ANK3: variants seen among roughly 807,000 people sequenced by gnomAD.
ANK3 encodes the protein ankyrin 3.
In ANK3, 57 loss-of-function variants were observed where a neutral mutation model predicts 370.9. That is an observed-to-expected ratio of 0.15 (90% CI 0.12 to 0.19). The LOEUF (loss-of-function observed/expected upper bound fraction) is 0.19, where lower values mean the gene tolerates loss of function less well. Ranked by LOEUF, ANK3 falls within the 10% of genes least tolerant of loss-of-function variation. The probability of loss-of-function intolerance (pLI) is 1.00; values close to 1 mark genes in which losing one functional copy is unlikely to be tolerated. For synonymous variants in ANK3, 1,929 were observed against 1,946.3 expected (o/e 0.99, Z 0.23); for missense variants, 4,439 against 5,302.1 (o/e 0.84, Z 5.06).
intron 1 of ANK3, among the ~76,000 whole-genome samples, chr10:60,629,103 C>CA (rs201762231): frequency 1.0e-3 from 153 of 149,922 alleles, no homozygotes; most frequent in African/African-American, 3.1e-3. Flanking sequence ...ATTTCAAAGA[C>CA]AAAAAAAAAT....
chr10:60,111,817 G>T (rs1413325533), intron 26 of ANK3: 1 of 447,408 alleles, frequency 2.2e-6, no homozygotes, highest in Non-Finnish European at 4.5e-6. Context: ...AATATAATTA[G>T]AAGCAAGCAA....
At chr10:60,281,868 T>A (rs185665340) in intron 1 of ANK3, among the ~76,000 whole-genome samples, 4 of 152,134 alleles carry the variant, frequency 2.6e-5, no homozygotes, top group Non-Finnish European at 5.9e-5. Flanking sequence ...GAGATAAGCA[T>A]GAAAATCATT....
intron 1 of ANK3, among the ~76,000 whole-genome samples, chr10:60,358,118 ACAAACACAC>A (rs1566822753): frequency 0.016 from 1,222 of 76,910 alleles, 6 homozygotes; most frequent in South Asian, 0.026. Context: ...ACACACACAC[ACAAACACAC>A]ACACACACAC....
chr10:60,465,935 A>G (rs1463691047), intron 2 of ANK3, among the ~76,000 whole-genome samples: 2 of 151,982 alleles, frequency 1.3e-5, no homozygotes, highest in Non-Finnish European at 2.9e-5. Flanking sequence ...ACTACCCTAG[A>G]GATCATCTCA....
rs961657038 is a variant in ANK3, at chr10:60,064,305, G to C, written c.12320-17C>G. 22 of 1,553,716 alleles carry C rather than the reference G, an allele frequency of 1.4e-5. No homozygotes were observed. The highest frequency in any genetic ancestry group is 1.8e-5 in the Non-Finnish European group (21 of 1,162,290). The stretch of plus-strand genomic sequence containing the variant: ...TTGCCAGTTCTGTAGAAAAGAAAGA[G>C]AGTTACTAAGATTGCATATTCTACT... On this transcript the variant is annotated splice_polypyrimidine_tract_variant and intron_variant, in intron 38 of 43. Coordinates refer to ENST00000280772, the MANE Select transcript of ANK3 (RefSeq NM_020987.5).
chr10:60,166,859 G>A lies in ANK3; in HGVS notation c.2516C>T (p.Thr839Met), dbSNP rs202156367. The A allele has an allele frequency of 1.2e-5, 20 of 1,613,732 alleles. No individual in the cohort carries two copies. Among genetic ancestry groups the A allele is most frequent in the East Asian group, 4.5e-5 (2 of 44,854 alleles). ...AGACATATCAAGAACTTCATTCATC[G>A]TTTCTGGAACATTCATTTTGTGCTT... is the stretch of plus-strand genomic sequence containing the variant. Reference protein sequence around the residue: ...TEKHKMNVPETMNEVLDMSDD... With the variant: ...TEKHKMNVPEMMNEVLDMSDD... The change falls in exon 22 of 44, where the codon ACG becomes ATG. Residue 839 changes from threonine (T) to methionine (M), a missense_variant. Thr to Met is a moderately conservative substitution (Grantham distance 81). Coordinates refer to ENST00000280772, the MANE Select transcript of ANK3 (RefSeq NM_020987.5).
chr10:60,339,089 T>C lies in ANK3; in HGVS notation c.114+50336A>G, dbSNP rs186734801. On this transcript the variant is annotated intron_variant, in intron 1 of 43. Coordinates refer to ENST00000280772, the MANE Select transcript of ANK3 (RefSeq NM_020987.5). ...CTTTGTTAGTACCAAAATAGATTTG[T>C]GTTTATTTGATAGAAAAAAAAAATT... is the stretch of plus-strand genomic sequence containing the variant. 3.8e-4 allele frequency among the ~76,000 whole-genome samples: 58 copies of C among 152,000 alleles called. 1 individual carries two copies. The highest frequency in any genetic ancestry group is 2.7e-3 in the Admixed American group (42 of 15,276).
intron 8 of ANK3, among the ~76,000 whole-genome samples, chr10:60,222,770 C>CTTTT (rs77208613): frequency 0.57 from 86,164 of 151,254 alleles, 24,654 homozygotes; most frequent in East Asian, 0.79. Flanking sequence ...AGAGTCCCTC[C>CTTTT]GTTGTTTTAC....
chr10:60,500,775 T>A (rs1322118522), intron 2 of ANK3, among the ~76,000 whole-genome samples: 1 of 152,192 alleles, frequency 6.6e-6, no homozygotes, highest in African/African-American at 2.4e-5. Context: ...ATTCCTACAA[T>A]GCCAAAGTGT....
chr10:60,679,737 C>T lies in ANK3; in HGVS notation c.57+53526G>A, dbSNP rs141496738. Among the ~76,000 whole-genome samples the T allele has an allele frequency of 3.9e-3, 588 of 152,266 alleles. 3 individuals are homozygous for T. Among genetic ancestry groups the T allele is most frequent in the African/African-American group, 0.013 (549 of 41,546 alleles). Reference sequence around the variant, plus strand: ...AAACTCCACGTCAAGGGTTGGACAGCGCACTTGAATCTCTCAAGCCATCCA... The same window carrying T: ...AAACTCCACGTCAAGGGTTGGACAGTGCACTTGAATCTCTCAAGCCATCCA... On this transcript the variant is annotated intron_variant, in intron 1 of 43. Transcript: ENST00000373827.
At chr10:60,282,508 A>G (rs1330190756) in intron 1 of ANK3, among the ~76,000 whole-genome samples, 1 of 151,012 alleles carries the variant, frequency 6.6e-6, no homozygotes, top group Non-Finnish European at 1.5e-5. Flanking sequence ...CAACAATTGC[A>G]CACACACACA....
At chr10:60,447,097 C>A (rs574720484) in intron 2 of ANK3, among the ~76,000 whole-genome samples, 1 of 152,252 alleles carries the variant, frequency 6.6e-6, no homozygotes, top group South Asian at 2.1e-4. Context: ...AACTGCTCTG[C>A]CAAATGCCAC....
chr10:60,653,986 ATTTG>A (rs772485198), intron 1 of ANK3, among the ~76,000 whole-genome samples: 22 of 152,086 alleles, frequency 1.4e-4, no homozygotes, highest in Non-Finnish European at 2.6e-4. Flanking sequence ...ATATCTCTCC[ATTTG>A]TTTGAGTGTT....
At chr10:60,534,039 G>A (rs779240882) in intron 2 of ANK3, among the ~76,000 whole-genome samples, 2 of 151,948 alleles carry the variant, frequency 1.3e-5, no homozygotes, top group African/African-American at 2.4e-5. Flanking sequence ...TTTTCACTAC[G>A]GAAGTGATTC....
chr10:60,484,415 C>A (rs1021807342), intron 2 of ANK3, among the ~76,000 whole-genome samples: 2 of 151,986 alleles, frequency 1.3e-5, no homozygotes, highest in African/African-American at 4.8e-5. Flanking sequence ...TTTTTAGATG[C>A]AATAATGGTA....
intron 8 of ANK3, among the ~76,000 whole-genome samples, chr10:60,223,357 T>A (rs1307369330): frequency 6.6e-6 from 1 of 152,214 alleles, no homozygotes; most frequent in Non-Finnish European, 1.5e-5. Flanking sequence ...TTGAGCTAGA[T>A]CTCTTTACTA....
At chr10:60,165,456 G>T (rs1310501237) in intron 23 of ANK3, among the ~76,000 whole-genome samples, 1 of 152,166 alleles carries the variant, frequency 6.6e-6, no homozygotes, top group East Asian at 1.9e-4. Context: ...TATCAAAACA[G>T]CATTTACAAA....
chr10:60,294,984 C>A (rs12769045), intron 1 of ANK3, among the ~76,000 whole-genome samples: 15,785 of 152,126 alleles, frequency 0.1, 1,054 homozygotes, highest in Non-Finnish European at 0.15. Context: ...GACTTTACCC[C>A]AAATTTAAGG....
intron 1 of ANK3, among the ~76,000 whole-genome samples, chr10:60,670,033 C>T (rs529384590): frequency 1.3e-5 from 2 of 152,180 alleles, no homozygotes; most frequent in African/African-American, 4.8e-5. Flanking sequence ...CTATGTTGCC[C>T]AGGCTGGTCT....
Sources: gnomAD v4.1 joint callset for allele counts (sites outside exome capture counted in the v4.1 genomes callset) on GRCh38, gnomAD v4.1.1 for gene constraint, MANE v1.5 for transcripts, NCBI Gene and HGNC (gene_info 2026-07-23, HGNC 2026-07-21) for gene names.